The following PCDHA13 variants were observed in gnomAD, a reference collection of about 807,000 sequenced individuals.
The protein encoded by PCDHA13 is protocadherin alpha-13.
PCDHA13 carries 54 observed loss-of-function variants against 64.8 expected under a neutral mutation model. That is an observed-to-expected ratio of 0.83 (90% CI 0.67 to 1.04). The LOEUF is 1.04. Ranked by LOEUF, PCDHA13 falls within the 50% of genes least tolerant of loss-of-function variation. The pLI is 0.00. For missense variants in PCDHA13, 1,248 were observed against 1,254.3 expected (o/e 0.99, Z 0.08); for synonymous variants, 587 against 564.4 (o/e 1.04, Z -0.57).
intron 1 of PCDHA13, among the ~76,000 whole-genome samples, chr5:140,972,289 G>A (rs548610825): frequency 1.5e-3 from 229 of 151,134 alleles, no homozygotes; most frequent in Non-Finnish European, 2.1e-3. Flanking sequence ...ATAGATGTGC[G>A]CCACCGTGTC....
intron 2 of PCDHA13, among the ~76,000 whole-genome samples, chr5:140,981,395 G>A (rs928966988): frequency 5.2e-4 from 79 of 152,210 alleles, no homozygotes; most frequent in African/African-American, 1.9e-3. Context: ...TCAATATGGT[G>A]AAAACCTGTC....
chr5:140,972,478 AC>A (rs2096537655), intron 1 of PCDHA13, among the ~76,000 whole-genome samples: 2 of 151,866 alleles, frequency 1.3e-5, no homozygotes, highest in Admixed American at 1.3e-4. Flanking sequence ...TCAGCATTTA[AC>A]CCCAGACTCT....
intron 1 of PCDHA13, among the ~76,000 whole-genome samples, chr5:140,947,543 G>T (rs1013985097): frequency 6.6e-5 from 10 of 151,548 alleles, no homozygotes; most frequent in Non-Finnish European, 1.2e-4. Flanking sequence ...TTTCTACAAA[G>T]AATTCCGCTG....
intron 1 of PCDHA13, among the ~76,000 whole-genome samples, chr5:140,941,011 C>T (rs1554213684): frequency 6.6e-6 from 1 of 152,124 alleles, no homozygotes; most frequent in African/African-American, 2.4e-5. Context: ...TTTTCCTTTC[C>T]TATTTTCCTT....
At chr5:140,980,409 A>C (rs782265012) in intron 2 of PCDHA13, among the ~76,000 whole-genome samples, 3 of 152,188 alleles carry the variant, frequency 2.0e-5, no homozygotes, top group Non-Finnish European at 4.4e-5. Flanking sequence ...AGGTGGGCAG[A>C]TCATGAGGTC....
intron 1 of PCDHA13, among the ~76,000 whole-genome samples, chr5:140,976,409 G>C (rs1208759254): frequency 6.6e-6 from 1 of 152,064 alleles, no homozygotes; most frequent in African/African-American, 2.4e-5. Flanking sequence ...AAATTAGCCA[G>C]GTACGGTGGC....
intron 1 of PCDHA13, among the ~76,000 whole-genome samples, chr5:140,952,538 T>C (rs558395294): frequency 6.6e-6 from 1 of 152,256 alleles, no homozygotes; most frequent in South Asian, 2.1e-4. Flanking sequence ...AGACTGGACT[T>C]CTTTGTCCAT....
In PCDHA13 at chr5:140,927,655, G is replaced by C. The variant is rs782653279; in HGVS notation, c.2394+42993G>C. On this transcript the variant is annotated intron_variant, in intron 1 of 3. Transcript: ENST00000289272. Reference sequence around the variant, plus strand: ...ACCCAATGGGACTGTGTTATTCCGAGTTCAAGCCTTGGATCCAGATGAAGG... The same window carrying C: ...ACCCAATGGGACTGTGTTATTCCGACTTCAAGCCTTGGATCCAGATGAAGG... The C allele has an allele frequency of 1.2e-5, 20 of 1,614,130 alleles. No individual in the cohort carries two copies. In the Admixed American group the frequency reaches 2.3e-4, roughly 19 times the overall value.
At chr5:140,917,118 G>A (rs961408905) in intron 1 of PCDHA13, among the ~76,000 whole-genome samples, 2 of 152,106 alleles carry the variant, frequency 1.3e-5, no homozygotes, top group African/African-American at 2.4e-5. Context: ...CTCCAAGTGC[G>A]CAGACTCCCC....
intron 3 of PCDHA13, among the ~76,000 whole-genome samples, chr5:140,998,830 C>G (rs1385890461): frequency 6.6e-6 from 1 of 152,200 alleles, no homozygotes; most frequent in African/African-American, 2.4e-5. Flanking sequence ...TCCCAAAGTG[C>G]TGGATTACTG....
chr5:140,968,025 C>T lies in PCDHA13; in HGVS notation c.2395-10924C>T, dbSNP rs782679458. ...CTGAATGGCTTTGGAAACTCCTATA[C>T]ACTGGTGGTGAGCGGCCCACTGGAC... On this transcript the variant is annotated intron_variant, in intron 1 of 3. Coordinates refer to ENST00000289272, the MANE Select transcript of PCDHA13 (RefSeq NM_018904.3). 4.3e-6 allele frequency: 7 copies of T among 1,614,200 alleles called. No individual in the cohort carries two copies. In the South Asian group the frequency reaches 6.6e-5, roughly 15 times the overall value.
intron 1 of PCDHA13, among the ~76,000 whole-genome samples, chr5:140,938,925 CT>C (rs1316558463): frequency 2.0e-5 from 3 of 151,992 alleles, no homozygotes; most frequent in African/African-American, 7.2e-5. Flanking sequence ...AAGAAATTGG[CT>C]TTTAACTTTC....
chr5:140,900,831 T>G (rs1554189475), intron 1 of PCDHA13, among the ~76,000 whole-genome samples: 1 of 152,198 alleles, frequency 6.6e-6, no homozygotes, highest in Non-Finnish European at 1.5e-5. Context: ...CCACCAACAA[T>G]GTACAAAGTT....
chr5:140,924,876 C>G (rs1380631161), intron 1 of PCDHA13, among the ~76,000 whole-genome samples: 1 of 144,704 alleles, frequency 6.9e-6, no homozygotes, highest in Non-Finnish European at 1.5e-5. Flanking sequence ...GCCTGGGTGA[C>G]AGAGCAAGAA....
chr5:140,990,838 A>C (rs2097419271), intron 3 of PCDHA13, among the ~76,000 whole-genome samples: 1 of 152,222 alleles, frequency 6.6e-6, no homozygotes, highest in Admixed American at 6.5e-5. Flanking sequence ...CCTATTAGCA[A>C]AAATAGAGCC....
intron 1 of PCDHA13, among the ~76,000 whole-genome samples, chr5:140,936,528 T>C (rs2091012406): frequency 6.6e-6 from 1 of 152,244 alleles, no homozygotes; most frequent in Non-Finnish European, 1.5e-5. Flanking sequence ...TGAAATTGCT[T>C]TTGAATATAG....
Position 140,883,907 on chromosome 5 carries a change from A to G in PCDHA13, c.1639A>G (p.Ser547Gly), listed in dbSNP as rs2059882679. 6.2e-7 allele frequency: 1 copy of G among 1,613,358 alleles called. No individual in the cohort carries two copies. Among genetic ancestry groups the G allele is most frequent in the African/African-American group, 1.3e-5 (1 of 74,980 alleles). ...ARDSGVPPLGSNVTLQVFVLD... is the reference protein window; with the variant it reads ...ARDSGVPPLGGNVTLQVFVLD... ...CGACTCTGGCGTGCCGCCTCTGGGC[A>G]GCAACGTGACGCTGCAGGTGTTCGT... The change falls in exon 1 of 4, where the codon AGC (serine) becomes GGC (glycine). Residue 547 changes from serine to glycine, a missense_variant. Transcript: ENST00000289272.
chr5:141,009,132 G>GA (rs1172401436), intron 3 of PCDHA13, among the ~76,000 whole-genome samples: 11 of 152,202 alleles, frequency 7.2e-5, no homozygotes, highest in African/African-American at 2.4e-4. Flanking sequence ...GTATCCTGGT[G>GA]AAAAAACCTG....
At chr5:141,009,494 A>T in intron 3 of PCDHA13, 133 bp from the exon 4 acceptor site, 1 of 1,488,918 alleles carries the variant, frequency 6.7e-7, no homozygotes, top group South Asian at 1.4e-5. Flanking sequence ...TTGCCCTCAG[A>T]CTTGAACAAA....
Sources: gnomAD v4.1 joint callset for allele counts (sites outside exome capture counted in the v4.1 genomes callset) on GRCh38, gnomAD v4.1.1 for gene constraint, MANE v1.5 for transcripts, NCBI Gene and HGNC (gene_info 2026-07-23, HGNC 2026-07-21) for gene names.